Variants in TRDN observed in about 807,000 individuals in gnomAD.
TRDN encodes triadin, also known as triadin in skeletal muscle.
A neutral mutation model predicts 149.7 loss-of-function variants in TRDN; 161 were observed. The ratio of observed to expected loss-of-function variants is 1.08; its 90% CI spans 0.95 to 1.23. The LOEUF is 1.23. Ranked by LOEUF, TRDN falls within the 50% of genes most tolerant of loss-of-function variation. The pLI, the probability that TRDN is intolerant of heterozygous loss-of-function variation, is 0.00. For missense variants in TRDN, 896 were observed against 823.5 expected, an observed-to-expected ratio of 1.09 and a Z score of -1.08; for synonymous variants, 294 against 250.5, an observed-to-expected ratio of 1.17 and a Z score of -1.64.
chr6:123,440,746 G>A (rs574343853), intron 10 of TRDN, among the ~76,000 whole-genome samples: 181 of 152,212 alleles, frequency 1.2e-3, no homozygotes, highest in Non-Finnish European at 1.7e-3. Context: ...ATCTTACACC[G>A]AACTTCACAA....
intron 32 of TRDN, among the ~76,000 whole-genome samples, chr6:123,266,142 TTATATATTA>T (rs1776948354): frequency 9.0e-6 from 1 of 111,044 alleles, no homozygotes; most frequent in African/African-American, 3.5e-5. Context: ...ATAATATGTA[TTATATATTA>T]TATATATTAT....
intron 27 of TRDN, 116 bp from the exon 28 acceptor site, chr6:123,273,479 C>T (rs2114616800): frequency 2.2e-6 from 1 of 455,824 alleles, no homozygotes; most frequent in Non-Finnish European, 3.2e-6. Flanking sequence ...TTAAATAGTA[C>T]TGGGTTTCTG....
chr6:123,434,707 T>G (rs1006476605), intron 12 of TRDN, among the ~76,000 whole-genome samples: 1 of 152,160 alleles, frequency 6.6e-6, no homozygotes, highest in Non-Finnish European at 1.5e-5. Flanking sequence ...GATTGCTTTT[T>G]TCATGGTATT....
intron 9 of TRDN, among the ~76,000 whole-genome samples, chr6:123,466,096 C>G (rs2114715550): frequency 6.6e-6 from 1 of 152,212 alleles, no homozygotes; most frequent in Non-Finnish European, 1.5e-5. Context: ...GTATAGAAGC[C>G]AAACATACTG....
chr6:123,521,496 C>T (rs1019493388), intron 5 of TRDN, among the ~76,000 whole-genome samples: 2 of 152,050 alleles, frequency 1.3e-5, no homozygotes, highest in Non-Finnish European at 2.9e-5. Context: ...CCAAAGCTTG[C>T]CCGCAAACCT....
chr6:123,592,871 A>C (rs183757945), intron 1 of TRDN, among the ~76,000 whole-genome samples: 92 of 152,292 alleles, frequency 6.0e-4, no homozygotes, highest in African/African-American at 2.2e-3. Context: ...ATCTTAGAAA[A>C]AAATAAGAAA....
intron 1 of TRDN, among the ~76,000 whole-genome samples, chr6:123,605,205 A>G (rs912306113): frequency 6.9e-6 from 1 of 145,742 alleles, no homozygotes; most frequent in Middle Eastern, 3.3e-3. Flanking sequence ...CATTGTCAAA[A>G]TAAATATTTT....
chr6:123,557,012 C>G (rs538279948), intron 2 of TRDN, among the ~76,000 whole-genome samples: 83 of 152,222 alleles, frequency 5.5e-4, no homozygotes, highest in African/African-American at 2.0e-3. Flanking sequence ...CTTCTCCTGG[C>G]TCATCCTAGC....
chr6:123,514,182 T>C (rs1779315124), intron 6 of TRDN, among the ~76,000 whole-genome samples: 1 of 152,032 alleles, frequency 6.6e-6, no homozygotes, highest in South Asian at 2.1e-4. Flanking sequence ...CTGGCCAACA[T>C]GGCAAAAACC....
At chr6:123,570,492 G>A (rs779927592) in intron 2 of TRDN, among the ~76,000 whole-genome samples, 1 of 152,218 alleles carries the variant, frequency 6.6e-6, no homozygotes, top group African/African-American at 2.4e-5. Context: ...CCAGATGACA[G>A]CAGGGCTTAA....
At chr6:123,467,748 C>T (rs80346560) in intron 9 of TRDN, among the ~76,000 whole-genome samples, 2,964 of 152,066 alleles carry the variant, frequency 0.019, 87 homozygotes, top group African/African-American at 0.067. Flanking sequence ...AATCACAAAT[C>T]GTTTTGTTAG....
chr6:123,263,178 C>T (rs1446434463), intron 33 of TRDN, among the ~76,000 whole-genome samples: 1 of 152,014 alleles, frequency 6.6e-6, no homozygotes, highest in Non-Finnish European at 1.5e-5. Flanking sequence ...CACATAAATG[C>T]TAAGAAAGGG....
At chr6:123,426,909 C>T (rs1335029696) in intron 12 of TRDN, among the ~76,000 whole-genome samples, 1 of 152,028 alleles carries the variant, frequency 6.6e-6, no homozygotes, top group Non-Finnish European at 1.5e-5. Flanking sequence ...AACAAACAAA[C>T]TTTCTAAAAA....
rs1315493732 is a variant in TRDN, at chr6:123,359,949, C to T, written c.1321+6186G>A. Among the ~76,000 whole-genome samples the T allele has an allele frequency of 2.6e-5, 4 of 152,142 alleles. No individual in the cohort carries two copies. The East Asian group carries it at 7.7e-4, about 29-fold the overall frequency. On this transcript the variant is annotated intron_variant, in intron 20 of 40. Transcript: ENST00000334268. Reference sequence around the variant, plus strand: ...TGACCTCATGATCCACCCATCTCGGCCTCCCAAAGTGCTGGGATTACAGGC... The same window carrying T: ...TGACCTCATGATCCACCCATCTCGGTCTCCCAAAGTGCTGGGATTACAGGC...
intron 13 of TRDN, 105 bp from the exon 14 acceptor site, chr6:123,388,656 C>T: frequency 4.1e-6 from 5 of 1,213,728 alleles, no homozygotes; most frequent in Non-Finnish European, 5.8e-6. Flanking sequence ...CAGTGGTCAC[C>T]TATACACTAA....
rs1176553465 is a variant in TRDN at position 123,316,512 on chromosome 6, A to C, written c.1472-17T>G. The C allele has an allele frequency of 1.2e-6, 2 of 1,609,218 alleles. No homozygotes were observed. The highest frequency in any genetic ancestry group is 2.7e-5 in the African/African-American group (2 of 74,702). ...TTTCAGGTTCTGGGGCAAAACGTACACATAAACACGTACAAACAAAAGGGA... is the reference window on the plus strand; with the variant it reads ...TTTCAGGTTCTGGGGCAAAACGTACCCATAAACACGTACAAACAAAAGGGA... On this transcript the variant is annotated splice_polypyrimidine_tract_variant and intron_variant, in intron 23 of 40. Transcript: ENST00000334268.
intron 1 of TRDN, among the ~76,000 whole-genome samples, chr6:123,601,123 A>G (rs1419158339): frequency 6.6e-6 from 1 of 152,144 alleles, no homozygotes; most frequent in Non-Finnish European, 1.5e-5. Context: ...TATTTAAAGT[A>G]TACCATAATC....
chr6:123,578,156 T>G (rs1221961309), intron 1 of TRDN, among the ~76,000 whole-genome samples: 2 of 152,190 alleles, frequency 1.3e-5, no homozygotes, highest in African/African-American at 2.4e-5. Flanking sequence ...GTTTGTCAAT[T>G]TTTACCTTTG....
intron 1 of TRDN, among the ~76,000 whole-genome samples, chr6:123,594,962 A>G (rs1783963886): frequency 6.6e-6 from 1 of 152,028 alleles, no homozygotes. Context: ...GGCTCCACCC[A>G]GAATATGCCT....
Sources: gnomAD v4.1 joint callset for allele counts (sites outside exome capture counted in the v4.1 genomes callset) on GRCh38, gnomAD v4.1.1 for gene constraint, MANE v1.5 for transcripts, NCBI Gene and HGNC (gene_info 2026-07-23, HGNC 2026-07-21) for gene names.